FAT1: variants seen among roughly 807,000 people sequenced by gnomAD.
The protein encoded by FAT1 is protocadherin Fat 1.
Under a neutral mutation model 329.8 loss-of-function variants are expected in FAT1, and 171 were observed. That is an observed-to-expected ratio of 0.52 (90% CI 0.46 to 0.59). The LOEUF (loss-of-function observed/expected upper bound fraction) is 0.59, where lower values mean the gene tolerates loss of function less well. FAT1 is among the 20% of genes least tolerant of loss of function. The pLI is 0.00. For missense variants in FAT1, 5,672 were observed against 5,774.4 expected, an observed-to-expected ratio of 0.98 and a Z score of 0.57; for synonymous variants, 2,233 against 2,228.6, an observed-to-expected ratio of 1.00 and a Z score of -0.06.
intron 3 of FAT1, among the ~76,000 whole-genome samples, chr4:186,649,703 G>A (rs917061608): frequency 1.3e-4 from 20 of 152,066 alleles, no homozygotes; most frequent in Non-Finnish European, 2.8e-4. Flanking sequence ...ACGGCACCTG[G>A]AATTCAAACT....
At chr4:186,674,491 T>A (rs1161329959) in intron 2 of FAT1, among the ~76,000 whole-genome samples, 1 of 152,134 alleles carries the variant, frequency 6.6e-6, no homozygotes, top group Non-Finnish European at 1.5e-5. Context: ...CTGACTCTCA[T>A]CAATCAATCA....
rs201854030 is a variant in FAT1, at chr4:186,709,659, C to T, written c.169G>A (p.Val57Ile). ...SAAKTYVGHP[V>I]KMGVYITHPA... ...TGTGTAATGTAAACACCCATCTTGA[C>T]AGGATGCCCCACATAAGTCTTAGCT... is the stretch of plus-strand genomic sequence containing the variant. The change falls in exon 2 of 27, where the codon GTC (valine) becomes ATC (isoleucine). Residue 57 changes from valine (V) to isoleucine (I), a missense_variant. Physicochemically the swap from Val to Ile is conservative, Grantham distance 29 (BLOSUM62 3). This residue lies in a region of FAT1 where 3,966 missense variants were observed against 3,915.2 expected (regional missense o/e 1.01). Transcript: ENST00000441802. 4.2e-4 allele frequency: 683 copies of T among 1,613,874 alleles called. 1 individual carries two copies. Among genetic ancestry groups the T allele is most frequent in the Non-Finnish European group, 4.1e-4 (484 of 1,179,892 alleles).
chr4:186,675,246 T>C (rs1315121142), intron 2 of FAT1, among the ~76,000 whole-genome samples: 2 of 151,790 alleles, frequency 1.3e-5, no homozygotes, highest in African/African-American at 4.8e-5. Flanking sequence ...AAAAGTTTTG[T>C]GGCAGATCAA....
rs1553987144 is a variant in FAT1 at position 186,604,792 on chromosome 4, A to ATGG, written c.10351-219_10351-218insCCA. 1.7e-4 allele frequency among the ~76,000 whole-genome samples: 25 copies of ATGG among 151,274 alleles called. No homozygotes were observed. In the East Asian group the frequency reaches 3.1e-3, roughly 19 times the overall value. ...CGAAAAGGGAAGAAAAAGGAGGATG[A>ATGG]AGGAAACATGGTAAGAAAGGGAGTG... On this transcript the variant is annotated intron_variant, in intron 17 of 26. Transcript: ENST00000441802.
chr4:186,615,643 C>T (rs956426835), intron 11 of FAT1, among the ~76,000 whole-genome samples: 5 of 152,142 alleles, frequency 3.3e-5, no homozygotes, highest in African/African-American at 1.2e-4. Flanking sequence ...TCCCAAACAT[C>T]CCAGCTCCAC....
chr4:186,667,514 G>A (rs1433827444), intron 2 of FAT1, among the ~76,000 whole-genome samples: 1 of 152,172 alleles, frequency 6.6e-6, no homozygotes, highest in African/African-American at 2.4e-5. Context: ...GCTGAGATAA[G>A]CTTCTGCTTC....
At chr4:186,698,382 T>C (rs945446191) in intron 2 of FAT1, among the ~76,000 whole-genome samples, 13 of 152,044 alleles carry the variant, frequency 8.6e-5, no homozygotes, top group African/African-American at 2.7e-4. Flanking sequence ...ATGCATTGAG[T>C]GCCTGTTATA....
At chr4:186,665,381 A>G (rs549465719) in intron 2 of FAT1, among the ~76,000 whole-genome samples, 6 of 152,032 alleles carry the variant, frequency 3.9e-5, no homozygotes, top group East Asian at 1.9e-4. Context: ...TTTAATGATC[A>G]CCATTCTAAC....
chr4:186,719,705 T>C (rs758291016), intron 1 of FAT1, among the ~76,000 whole-genome samples: 64 of 152,228 alleles, frequency 4.2e-4, no homozygotes, highest in Non-Finnish European at 8.4e-4. Flanking sequence ...AATTGAAGGA[T>C]GGACTAAAAT....
chr4:186,705,497 C>T lies in FAT1; in HGVS notation c.3265+1066G>A, dbSNP rs935533028. 3.3e-5 allele frequency among the ~76,000 whole-genome samples: 5 copies of T among 152,252 alleles called. No individual in the cohort carries two copies. In the East Asian group the frequency reaches 9.7e-4, roughly 29 times the overall value. ...TTGCTGATGAGTGCTATGATCACCC[C>T]TTTTCTATTTCCACTATCATTCTCA... is the stretch of plus-strand genomic sequence containing the variant. On this transcript the variant is annotated intron_variant, in intron 2 of 26. Coordinates refer to ENST00000441802, the MANE Select transcript of FAT1 (RefSeq NM_005245.4).
chr4:186,699,694 GA>G (rs35718096), intron 2 of FAT1, among the ~76,000 whole-genome samples: 15,512 of 123,118 alleles, frequency 0.13, 942 homozygotes, highest in African/African-American at 0.2. Flanking sequence ...TCTGCTGTTT[GA>G]AAAAAAAAAA....
chr4:186,599,548 AC>A (rs1738694435), intron 22 of FAT1, among the ~76,000 whole-genome samples: 2 of 152,298 alleles, frequency 1.3e-5, no homozygotes, highest in South Asian at 4.1e-4. Flanking sequence ...AAAAGGTGAT[AC>A]AAATAACAAA....
Position 186,619,425 on chromosome 4 carries a change from T to C in FAT1, c.7161A>G (p.Pro2387=), listed in dbSNP as rs748524643. Residue 2387 remains proline (P), a synonymous_variant, in exon 10 of 27, where the codon CCA becomes CCG. Coordinates refer to ENST00000441802, the MANE Select transcript of FAT1 (RefSeq NM_005245.4). ...TVDVTDLNDN[P]PLFEQQIYEA... ...CATAAATCTGTTGTTCAAAGAGTGG[T>C]GGATTATCATTGAGGTCGGTAACGT... 5.0e-6 allele frequency: 8 copies of C among 1,613,814 alleles called. No homozygotes were observed. The highest frequency in any genetic ancestry group is 3.3e-5 in the South Asian group (3 of 91,080).
chr4:186,587,816 CAGTA>C lies in FAT1; in HGVS notation c.*772_*775del, dbSNP rs1307151164. On this transcript the variant is annotated 3_prime_UTR_variant, in exon 27 of 27. Coordinates refer to ENST00000441802, the MANE Select transcript of FAT1 (RefSeq NM_005245.4). ...AAGTATTTTATTAATAATTTATTGT[CAGTA>C]AGAAAGACTGGCTAATGGTAGTTTT... 1 of 201,414 alleles carries C rather than the reference CAGTA, an allele frequency of 5.0e-6. No homozygotes were observed. The highest frequency in any genetic ancestry group is 2.3e-5 in the African/African-American group (1 of 43,500). 12.5% of individuals were successfully genotyped at this position (201,414 alleles called of 1,614,324 possible). A position where few individuals can be genotyped will look rare whatever the true frequency, so the allele number is the denominator to read the frequency against.
In FAT1 at chr4:186,588,756, T is replaced by A. The variant is rs774714048; in HGVS notation, c.13603A>T (p.Met4535Leu). 2.5e-6 allele frequency: 4 copies of A among 1,614,002 alleles called. No homozygotes were observed. The South Asian group carries it at 4.4e-5, about 18-fold the overall frequency. The change falls in exon 27 of 27, where the codon ATG (methionine) becomes TTG (leucine). Residue 4535 changes from methionine to leucine, a missense_variant. Around this residue, in one of 2 missense-constraint regions of FAT1, gnomAD observed 1,706 missense variants for 1,859.1 expected, o/e 0.92. Transcript: ENST00000441802. Reference sequence around the variant, plus strand: ...GTGGAGGCGTACACAGACATGGGCATGCTCTCGACAGCGGGCGCCTCGAAG... The same window carrying A: ...GTGGAGGCGTACACAGACATGGGCAAGCTCTCGACAGCGGGCGCCTCGAAG... ...RHFEAPAVES[M>L]PMSVYASTAS... is the part of the protein sequence containing the mutation.
rs771020867 is a variant in FAT1 at position 186,621,531 on chromosome 4, G to A, written c.5055C>T (p.Phe1685=). Residue 1685 remains phenylalanine (F), a synonymous_variant, in exon 10 of 27, where the codon TTC becomes TTT. Coordinates refer to ENST00000441802, the MANE Select transcript of FAT1 (RefSeq NM_005245.4). The part of the protein sequence containing the change: ...ELSETVSIGS[F]VGMVTAHSQS... ...GACTATGGGCTGTAACCATCCCAAC[G>A]AAACTCCCAATGCTGACAGTTTCAC... 35 of 1,613,926 alleles carry A rather than the reference G, an allele frequency of 2.2e-5. No homozygotes were observed. The highest frequency in any genetic ancestry group is 2.7e-5 in the Non-Finnish European group (32 of 1,179,868).
In FAT1 at chr4:186,664,338, C is replaced by G. The variant is rs376496029; in HGVS notation, c.3266-725G>C. 3.9e-5 allele frequency among the ~76,000 whole-genome samples: 6 copies of G among 152,280 alleles called. No individual in the cohort carries two copies. The East Asian group carries it at 1.2e-3, about 29-fold the overall frequency. ...AACCAGCATGCTATAAAAATATAAA[C>G]TACACTATAAACTCCAAAAGGGCAG... On this transcript the variant is annotated intron_variant, in intron 2 of 26. Transcript: ENST00000441802.
rs2126415513 is a variant in FAT1 at position 186,600,362 on chromosome 4, T to C, written c.11641-2A>G. ...GTACTGCAGCCTTCCATGATGAATCTAGGATAAAAGCAATGACTGTTCACA... is the reference window on the plus strand; with the variant it reads ...GTACTGCAGCCTTCCATGATGAATCCAGGATAAAAGCAATGACTGTTCACA... On this transcript the variant is annotated splice_acceptor_variant, in intron 21 of 26. Transcript: ENST00000441802. LOFTEE classifies it high-confidence loss of function. 1 of 1,605,626 alleles carries C rather than the reference T, an allele frequency of 6.2e-7. No homozygotes were observed. Among genetic ancestry groups the C allele is most frequent in the Non-Finnish European group, 8.5e-7 (1 of 1,175,210 alleles).
chr4:186,590,241 C>G (rs1340130671), intron 26 of FAT1: 1 of 442,872 alleles, frequency 2.3e-6, no homozygotes, highest in African/African-American at 2.0e-5. Context: ...TGCGCACACA[C>G]ATGCAGCCGT....
Sources: gnomAD v4.1 joint callset for allele counts (sites outside exome capture counted in the v4.1 genomes callset) on GRCh38, gnomAD v4.1.1 for gene constraint, gnomAD v4.1.1 regional missense constraint, MANE v1.5 for transcripts, NCBI Gene and HGNC (gene_info 2026-07-23, HGNC 2026-07-21) for gene names.